The following SCAPER variants were observed in gnomAD, a reference collection of about 807,000 sequenced individuals.
The protein encoded by SCAPER is S phase cyclin A-associated protein in the endoplasmic reticulum.
SCAPER carries 98 observed loss-of-function variants against 182.2 expected under a neutral mutation model. The observed-to-expected ratio is 0.54, with a 90% CI of 0.46 to 0.64. The LOEUF (loss-of-function observed/expected upper bound fraction) is 0.64. SCAPER is among the 30% of genes least tolerant of loss of function. The probability of loss-of-function intolerance (pLI) is 0.00; values close to 1 mark genes in which losing one functional copy is unlikely to be tolerated. For synonymous variants in SCAPER, 605 were observed against 564.6 expected (o/e 1.07, Z -1.01); for missense variants, 1,432 against 1,690.0 (o/e 0.85, Z 2.68).
intron 22 of SCAPER, among the ~76,000 whole-genome samples, chr15:76,600,387 ATGTGTGTGTG>A (rs60494575): frequency 0.047 from 4,161 of 88,548 alleles, 646 homozygotes; most frequent in African/African-American, 0.082. Flanking sequence ...GTGTGTGTAT[ATGTGTGTGTG>A]TGTGTGTGTG....
intron 4 of SCAPER, among the ~76,000 whole-genome samples, chr15:76,849,696 C>T (rs12148874): frequency 0.029 from 4,489 of 152,300 alleles, 91 homozygotes; most frequent in Non-Finnish European, 0.047. Flanking sequence ...TACACTTAAG[C>T]ACCACCTACT....
chr15:76,891,320 A>G (rs1163091899), intron 1 of SCAPER, among the ~76,000 whole-genome samples: 1 of 152,166 alleles, frequency 6.6e-6, no homozygotes, highest in Non-Finnish European at 1.5e-5. Flanking sequence ...TTCTGGCCAG[A>G]GCAATTAGGC....
chr15:76,726,124 A>ACTATATAT (rs2060570183), intron 17 of SCAPER, among the ~76,000 whole-genome samples: 1 of 15,348 alleles, frequency 6.5e-5, no homozygotes, highest in Non-Finnish European at 1.8e-4. Context: ...TAATGTCTAG[A>ACTATATAT]ATATATATAT....
chr15:76,366,994 C>G (rs1239604304), intron 29 of SCAPER, among the ~76,000 whole-genome samples: 2 of 152,182 alleles, frequency 1.3e-5, no homozygotes, highest in Admixed American at 1.3e-4. Flanking sequence ...CACAGAGGAA[C>G]CCTGTAGGCA....
At chr15:76,694,352 T>C (rs1301717232) in intron 20 of SCAPER, among the ~76,000 whole-genome samples, 1 of 152,150 alleles carries the variant, frequency 6.6e-6, no homozygotes, top group Non-Finnish European at 1.5e-5. Context: ...TTGATGTGAT[T>C]ATGAATGAGA....
At chr15:76,492,834 C>T (rs1264186777) in intron 24 of SCAPER, among the ~76,000 whole-genome samples, 1 of 147,208 alleles carries the variant, frequency 6.8e-6, no homozygotes, top group Non-Finnish European at 1.5e-5. Flanking sequence ...TTCGTGACCA[C>T]AGAGAATTTA....
chr15:76,701,932 C>A, intron 19 of SCAPER, 67 bp from the exon 20 acceptor site: 3 of 1,098,952 alleles, frequency 2.7e-6, no homozygotes, highest in Non-Finnish European at 2.8e-6. Flanking sequence ...ACTACACATT[C>A]AGTCCAGTAT....
At chr15:76,360,233 C>T (rs1429798427) in intron 29 of SCAPER, among the ~76,000 whole-genome samples, 1 of 152,096 alleles carries the variant, frequency 6.6e-6, no homozygotes, top group African/African-American at 2.4e-5. Context: ...TTGCCAAAAC[C>T]TCAGTTAACA....
At chr15:76,460,106 G>A (rs960619881) in intron 25 of SCAPER, among the ~76,000 whole-genome samples, 20 of 151,856 alleles carry the variant, frequency 1.3e-4, no homozygotes, top group African/African-American at 4.8e-4. Flanking sequence ...CTGTTTCTAT[G>A]AAAAATGAAA....
chr15:76,553,278 C>T lies in SCAPER; in HGVS notation c.2838+20880G>A, dbSNP rs139971310. Among the ~76,000 whole-genome samples the T allele has an allele frequency of 2.6e-5, 4 of 152,350 alleles. No individual in the cohort carries two copies. In the East Asian group the frequency reaches 7.7e-4, roughly 29 times the overall value. On this transcript the variant is annotated intron_variant, in intron 23 of 31. Coordinates refer to ENST00000563290, the MANE Select transcript of SCAPER (RefSeq NM_020843.4). ...GATGCCAGAACCCAGCCCCTGCTGG[C>T]ACTCTACCTGTGCCAACTGAGTGTG...
At chr15:76,691,612 A>G (rs925578464) in intron 20 of SCAPER, among the ~76,000 whole-genome samples, 4 of 152,142 alleles carry the variant, frequency 2.6e-5, no homozygotes, top group African/African-American at 7.2e-5. Context: ...GGAATATAAA[A>G]TTGTCAAGCT....
intron 17 of SCAPER, among the ~76,000 whole-genome samples, chr15:76,722,624 A>T (rs1187785657): frequency 6.6e-6 from 1 of 152,206 alleles, no homozygotes; most frequent in Non-Finnish European, 1.5e-5. Flanking sequence ...TGGTCTATTC[A>T]GAGATTCAAC....
intron 14 of SCAPER, among the ~76,000 whole-genome samples, chr15:76,755,273 T>C (rs1050915199): frequency 6.6e-6 from 1 of 152,192 alleles, no homozygotes; most frequent in Non-Finnish European, 1.5e-5. Context: ...AATCTATTCA[T>C]CTAATGACAA....
At chr15:76,395,242 C>A (rs1253044065) in intron 27 of SCAPER, among the ~76,000 whole-genome samples, 1 of 152,180 alleles carries the variant, frequency 6.6e-6, no homozygotes, top group Admixed American at 6.5e-5. Context: ...TATATCCATT[C>A]ATCTCCTGAT....
At chr15:76,705,076 G>A (rs1409155613) in intron 18 of SCAPER, among the ~76,000 whole-genome samples, 4 of 152,002 alleles carry the variant, frequency 2.6e-5, no homozygotes, top group South Asian at 2.1e-4. Context: ...AAATCATGCC[G>A]CTATAAAGAC....
chr15:76,764,869 G>A, intron 14 of SCAPER, 92 bp downstream of exon 14: 1 of 655,792 alleles, frequency 1.5e-6, no homozygotes, highest in East Asian at 2.9e-5. Context: ...TTATTTTTAT[G>A]GTTATTTTAG....
rs376078898 is a variant in SCAPER at position 76,402,142 on chromosome 15, A to AAAAC, written c.3467+2378_3467+2381dup. ...TAAGATTCAGTCTCAAAAACAAAAC[A>AAAAC]AAACAAACAAACAAACAAACAAAAA... On this transcript the variant is annotated intron_variant, in intron 27 of 31. Coordinates refer to ENST00000563290, the MANE Select transcript of SCAPER (RefSeq NM_020843.4). Among the ~76,000 whole-genome samples, 548 of 152,264 alleles carry AAAAC rather than the reference A, an allele frequency of 3.6e-3. 1 individual carries two copies. The highest frequency in any genetic ancestry group is 5.0e-3 in the African/African-American group (208 of 41,536).
rs539219011 is a variant in SCAPER, at chr15:76,461,699, C to G, written c.3078+9513G>C. On this transcript the variant is annotated intron_variant, in intron 25 of 31. Coordinates refer to ENST00000563290, the MANE Select transcript of SCAPER (RefSeq NM_020843.4). ...GTTTTAATATCCTTGTTTGCTAATT[C>G]TAACATCTGTGTCATCTCAGGATTG... Among the ~76,000 whole-genome samples, 224 of 152,210 alleles carry G rather than the reference C, an allele frequency of 1.5e-3. 2 individuals carry two copies. Among genetic ancestry groups the G allele is most frequent in the Non-Finnish European group, 1.9e-4 (13 of 68,000 alleles).
chr15:76,470,572 C>G (rs1466631420), intron 25 of SCAPER, among the ~76,000 whole-genome samples: 2 of 152,064 alleles, frequency 1.3e-5, no homozygotes, highest in Admixed American at 1.3e-4. Context: ...CTATTTTGTG[C>G]CAATACCTCA....
Sources: gnomAD v4.1 joint callset for allele counts (sites outside exome capture counted in the v4.1 genomes callset) on GRCh38, gnomAD v4.1.1 for gene constraint, MANE v1.5 for transcripts, NCBI Gene and HGNC (gene_info 2026-07-23, HGNC 2026-07-21) for gene names.